Variants in ESRRG observed in about 807,000 individuals in gnomAD.
ESRRG encodes the protein estrogen-related receptor gamma.
Under a neutral mutation model 44.0 loss-of-function variants are expected in ESRRG, and 13 were observed. The observed-to-expected ratio is 0.30, with a 90% confidence interval of 0.19 to 0.47. ESRRG has a LOEUF of 0.47. Among genes scored for constraint, ESRRG ranks in the 20% least tolerant of loss-of-function variants. The pLI is 1.00. For synonymous variants in ESRRG, 215 were observed against 214.6 expected (o/e 1.00, Z -0.02); for missense variants, 395 against 580.6 (o/e 0.68, Z 3.29).
intron 2 of ESRRG, among the ~76,000 whole-genome samples, chr1:216,928,147 T>C (rs975394693): frequency 3.3e-5 from 5 of 152,208 alleles, no homozygotes; most frequent in Non-Finnish European, 7.3e-5. Flanking sequence ...ATAGAATAGA[T>C]ATGCATCAAT....
At chr1:216,806,925 C>T (rs1411989537) in intron 2 of ESRRG, among the ~76,000 whole-genome samples, 1 of 152,140 alleles carries the variant, frequency 6.6e-6, no homozygotes, top group East Asian at 1.9e-4. Flanking sequence ...ATAATGGGCA[C>T]CTGTGGGCTA....
At chr1:216,997,066 A>G (rs1365026475) in intron 1 of ESRRG, among the ~76,000 whole-genome samples, 1 of 152,224 alleles carries the variant, frequency 6.6e-6, no homozygotes, top group Non-Finnish European at 1.5e-5. Flanking sequence ...TGGAACTGCA[A>G]ATCATAAAAA....
chr1:216,885,500 C>T (rs1210357161), intron 2 of ESRRG, among the ~76,000 whole-genome samples: 1 of 151,674 alleles, frequency 6.6e-6, no homozygotes, highest in South Asian at 2.1e-4. Context: ...TTAAGGCTCC[C>T]GGTTCCAAGT....
At chr1:216,862,268 T>C (rs1382982432) in intron 2 of ESRRG, 1 of 150,514 alleles carries the variant, frequency 6.6e-6, no homozygotes, top group Non-Finnish European at 1.5e-5. Flanking sequence ...TCTGTTGCCC[T>C]GGCTGGAGTA....
chr1:216,681,754 A>G lies in ESRRG; in HGVS notation c.57-4263T>C, dbSNP rs1575218736. On this transcript the variant is annotated intron_variant, in intron 1 of 6. Transcript: ENST00000408911. ...TTGAAAGTTAATTAATGGTGTGTAT[A>G]TGTGTGCACATAGAGAGAGTGAGAG... The G allele has an allele frequency of 2.1e-5, 3 of 140,274 alleles. No individual in the cohort carries two copies. In the East Asian group the frequency reaches 6.4e-4, roughly 30 times the overall value. The allele number at this position is 140,274 out of a possible 1,614,324, so 8.7% of individuals were successfully genotyped here.
intron 5 of ESRRG, among the ~76,000 whole-genome samples, chr1:216,531,066 G>A (rs1179543259): frequency 6.6e-6 from 1 of 152,066 alleles, no homozygotes; most frequent in African/African-American, 2.4e-5. Context: ...TGCATAAATG[G>A]AAGTTAAAGG....
chr1:216,976,816 TAAAG>T (rs1392235966), intron 1 of ESRRG, among the ~76,000 whole-genome samples: 2 of 152,116 alleles, frequency 1.3e-5, no homozygotes, highest in African/African-American at 2.4e-5. Flanking sequence ...ACGGTTTTCA[TAAAG>T]AAGGAAAAAC....
At chr1:217,107,009 G>T (rs184063410) in intron 1 of ESRRG, among the ~76,000 whole-genome samples, 5 of 152,270 alleles carry the variant, frequency 3.3e-5, no homozygotes, top group Admixed American at 3.3e-4. Flanking sequence ...AGTTTTCATA[G>T]ATCTGGATGT....
intron 2 of ESRRG, among the ~76,000 whole-genome samples, chr1:216,801,739 T>C (rs1013035531): frequency 6.6e-6 from 1 of 152,184 alleles, no homozygotes; most frequent in African/African-American, 2.4e-5. Context: ...TTCTGTCCTC[T>C]TTGGGAAAAT....
At chr1:217,099,413 A>G (rs11117771) in intron 1 of ESRRG, among the ~76,000 whole-genome samples, 5,283 of 152,054 alleles carry the variant, frequency 0.035, 123 homozygotes, top group African/African-American at 0.055. Context: ...AGATGGTTAC[A>G]TTAGAATTAA....
intron 2 of ESRRG, among the ~76,000 whole-genome samples, chr1:216,663,434 A>G (rs1438004639): frequency 6.6e-6 from 1 of 152,190 alleles, no homozygotes; most frequent in East Asian, 1.9e-4. Context: ...AGGTAAATTC[A>G]TATTTTCAGC....
intron 1 of ESRRG, among the ~76,000 whole-genome samples, chr1:217,099,502 A>C (rs1219348310): frequency 1.3e-5 from 2 of 152,294 alleles, no homozygotes; most frequent in Admixed American, 6.5e-5. Context: ...ATGAAATCTA[A>C]TATAATGTGG....
chr1:217,004,422 A>G (rs941025139), intron 1 of ESRRG, among the ~76,000 whole-genome samples: 2 of 152,136 alleles, frequency 1.3e-5, no homozygotes, highest in African/African-American at 2.4e-5. Context: ...CCCCTGCACA[A>G]GCTCTTTTGC....
chr1:216,748,632 T>C (rs2091684170), intron 2 of ESRRG, among the ~76,000 whole-genome samples: 1 of 152,180 alleles, frequency 6.6e-6, no homozygotes, highest in African/African-American at 2.4e-5. Context: ...TTCATGAACA[T>C]TTTGCCAATA....
chr1:216,775,296 T>C (rs574683029), intron 2 of ESRRG, among the ~76,000 whole-genome samples: 1 of 152,170 alleles, frequency 6.6e-6, no homozygotes, highest in East Asian at 1.9e-4. Flanking sequence ...ATGCTTATTA[T>C]AGGAATTCAC....
At chr1:216,976,361 A>C (rs1213672238) in intron 1 of ESRRG, among the ~76,000 whole-genome samples, 1 of 150,936 alleles carries the variant, frequency 6.6e-6, no homozygotes, top group Non-Finnish European at 1.5e-5. Context: ...CATCCACTCC[A>C]ACCTCCATAG....
intron 2 of ESRRG, among the ~76,000 whole-genome samples, chr1:216,745,152 TTTTG>T (rs550674868): frequency 1.2e-4 from 19 of 152,160 alleles, no homozygotes; most frequent in Admixed American, 6.5e-4. Context: ...TTTTTTTGTT[TTTTG>T]TTTGTTTGTT....
rs192957549 is a variant in ESRRG, at chr1:216,677,901, G to C, written c.57-410C>G. Among the ~76,000 whole-genome samples the C allele has an allele frequency of 1.6e-3, 251 of 152,314 alleles. 2 individuals are homozygous for C. The highest frequency in any genetic ancestry group is 5.7e-3 in the African/African-American group (235 of 41,566). ...AATGGAAGAGGTGGTGATTTGCAAAGTCTATACCATTTCTAAAATTGTATT... is the reference window on the plus strand; with the variant it reads ...AATGGAAGAGGTGGTGATTTGCAAACTCTATACCATTTCTAAAATTGTATT... On this transcript the variant is annotated intron_variant, in intron 1 of 6. Transcript: ENST00000408911.
chr1:216,798,697 G>A (rs1333386280), intron 2 of ESRRG, among the ~76,000 whole-genome samples: 1 of 152,058 alleles, frequency 6.6e-6, no homozygotes, highest in Non-Finnish European at 1.5e-5. Flanking sequence ...CTCAGAGTAG[G>A]GATTGTGGTG....
Sources: allele counts gnomAD v4.1 joint callset (sites outside exome capture counted in the v4.1 genomes callset), GRCh38; gene constraint gnomAD v4.1.1; transcripts MANE v1.5; gene names NCBI Gene and HGNC (gene_info 2026-07-23, HGNC 2026-07-21).